RBFOX1: variants seen among roughly 807,000 people sequenced by gnomAD.
The protein encoded by RBFOX1 is RNA binding fox-1 homolog 1, also known as RNA binding protein fox-1 homolog 1.
A neutral mutation model predicts 57.7 loss-of-function variants in RBFOX1; 8 were observed. The observed-to-expected ratio is 0.14, with a 90% CI of 0.08 to 0.25. The LOEUF is 0.25. Among genes scored for constraint, RBFOX1 ranks in the 10% least tolerant of loss-of-function variants. The pLI, the probability that RBFOX1 is intolerant of heterozygous loss-of-function variation, is 1.00. For synonymous variants in RBFOX1, 326 were observed against 222.4 expected (o/e 1.47, Z -4.15); for missense variants, 611 against 548.5 (o/e 1.11, Z -1.14).
chr16:5,655,919 G>C (rs1447123548), intron 3 of RBFOX1, among the ~76,000 whole-genome samples: 1 of 152,040 alleles, frequency 6.6e-6, no homozygotes, highest in Non-Finnish European at 1.5e-5. Flanking sequence ...TAGATCTCCT[G>C]CATGTCTCTA....
At chr16:6,482,842 C>A (rs542825528) in intron 2 of RBFOX1, among the ~76,000 whole-genome samples, 2,668 of 152,272 alleles carry the variant, frequency 0.018, 80 homozygotes, top group African/African-American at 0.061. Context: ...GTCCCGTGGA[C>A]ATTCTGAATA....
At chr16:7,199,787 C>T (rs2087806940) in intron 4 of RBFOX1, among the ~76,000 whole-genome samples, 1 of 152,064 alleles carries the variant, frequency 6.6e-6, no homozygotes, top group Non-Finnish European at 1.5e-5. Flanking sequence ...CCAGTTTGCT[C>T]AGGAGGCTGA....
chr16:7,240,214 G>C (rs529785219), intron 4 of RBFOX1, among the ~76,000 whole-genome samples: 1 of 152,024 alleles, frequency 6.6e-6, no homozygotes, highest in Non-Finnish European at 1.5e-5. Flanking sequence ...TGATCCTCCC[G>C]CCTCGGCCTC....
intron 5 of RBFOX1, among the ~76,000 whole-genome samples, chr16:7,529,720 G>A (rs972076223): frequency 6.6e-6 from 1 of 152,072 alleles, no homozygotes; most frequent in African/African-American, 2.4e-5. Context: ...CTCAAGAGGT[G>A]AATTTAGGCT....
rs562380426 is a variant in RBFOX1, at chr16:7,036,428, C to T, written c.-15-15629C>T. ...ATCTCCCTCAAGAAAGAATTCAGGG[C>T]GGCCGGGCGTGGTGGCTCACGCTTG... is the stretch of plus-strand genomic sequence containing the variant. On this transcript the variant is annotated intron_variant, in intron 3 of 15. Transcript: ENST00000550418. 8.6e-5 allele frequency among the ~76,000 whole-genome samples: 13 copies of T among 151,994 alleles called. No homozygotes were observed. The East Asian group carries it at 1.2e-3, about 14-fold the overall frequency.
intron 2 of RBFOX1, among the ~76,000 whole-genome samples, chr16:6,318,942 G>A (rs1255355356): frequency 6.6e-6 from 1 of 151,700 alleles, no homozygotes; most frequent in Non-Finnish European, 1.5e-5. Context: ...CTCTGATACA[G>A]CAAACCTCAA....
chr16:7,567,448 C>G (rs149149121), intron 5 of RBFOX1, among the ~76,000 whole-genome samples: 11,853 of 56,584 alleles, frequency 0.21, 1,661 homozygotes, highest in African/African-American at 0.24. Context: ...TATATATATC[C>G]CTATGTATGG....
At chr16:7,217,976 GTGTGCA>G (rs1266035682) in intron 4 of RBFOX1, among the ~76,000 whole-genome samples, 24 of 151,786 alleles carry the variant, frequency 1.6e-4, no homozygotes, top group Admixed American at 3.9e-4. Context: ...GTGTCTGCGT[GTGTGCA>G]TGTGCATGTG....
At chr16:7,048,028 G>T (rs921483317) in intron 3 of RBFOX1, among the ~76,000 whole-genome samples, 1 of 151,650 alleles carries the variant, frequency 6.6e-6, no homozygotes, top group African/African-American at 2.4e-5. Context: ...AAAGGTGCCT[G>T]CCACAACGCC....
chr16:6,960,691 C>A (rs1288088096), intron 3 of RBFOX1, among the ~76,000 whole-genome samples: 2 of 152,038 alleles, frequency 1.3e-5, no homozygotes, highest in Non-Finnish European at 2.9e-5. Flanking sequence ...CATCTCCTGT[C>A]TCTGACGGGC....
chr16:5,358,438 A>G (rs574291079), intron 1 of RBFOX1, among the ~76,000 whole-genome samples: 1 of 152,212 alleles, frequency 6.6e-6, no homozygotes, highest in Non-Finnish European at 1.5e-5. Flanking sequence ...TGTTGTGGGT[A>G]CATAGAGGTG....
At chr16:7,020,320 G>A (rs571942692) in intron 3 of RBFOX1, among the ~76,000 whole-genome samples, 1 of 152,058 alleles carries the variant, frequency 6.6e-6, no homozygotes, top group African/African-American at 2.4e-5. Context: ...CTGTCCGCCA[G>A]GTTCAAGTGA....
chr16:5,669,963 A>C (rs1461441824), intron 3 of RBFOX1, among the ~76,000 whole-genome samples: 1 of 152,234 alleles, frequency 6.6e-6, no homozygotes, highest in East Asian at 1.9e-4. Flanking sequence ...CTAGATAAAC[A>C]CATTGTGGTC....
chr16:7,702,546 C>T (rs2081100601), intron 14 of RBFOX1, among the ~76,000 whole-genome samples: 1 of 152,144 alleles, frequency 6.6e-6, no homozygotes, highest in African/African-American at 2.4e-5. Context: ...ACAACGGATT[C>T]ATTTATTTCT....
chr16:6,613,064 A>G (rs2098089570), intron 2 of RBFOX1, among the ~76,000 whole-genome samples: 1 of 149,896 alleles, frequency 6.7e-6, no homozygotes, highest in Non-Finnish European at 1.5e-5. Context: ...TGTGTTTTGG[A>G]ATTCACAGGA....
intron 5 of RBFOX1, among the ~76,000 whole-genome samples, chr16:7,575,790 A>G (rs7191721): frequency 0.57 from 86,662 of 151,858 alleles, 25,083 homozygotes; most frequent in East Asian, 0.68. Flanking sequence ...CAGAAAAAAG[A>G]GAAAGAAAAG....
chr16:5,290,335 C>G lies in RBFOX1; in HGVS notation c.219+50230C>G, dbSNP rs568293672. The stretch of plus-strand genomic sequence containing the variant: ...CGAGGTTGTGCCACTGCACTCCAGC[C>G]TGTGACAGAGACTCTATCTCAAAAA... On this transcript the variant is annotated intron_variant, in intron 1 of 2. Transcript: ENST00000585867. 2.6e-5 allele frequency among the ~76,000 whole-genome samples: 4 copies of G among 152,254 alleles called. No homozygotes were observed. The South Asian group carries it at 8.3e-4, about 32-fold the overall frequency.
At chr16:5,485,895 G>T (rs558316722) in intron 2 of RBFOX1, among the ~76,000 whole-genome samples, 1 of 152,266 alleles carries the variant, frequency 6.6e-6, no homozygotes, top group Admixed American at 6.5e-5. Context: ...TTATCCTCTT[G>T]AACCTCATTT....
chr16:5,459,646 C>G (rs1395032790), intron 1 of RBFOX1, among the ~76,000 whole-genome samples: 1 of 151,974 alleles, frequency 6.6e-6, no homozygotes. Flanking sequence ...AAGAATCGTC[C>G]TTCACCAAAA....
Sources: gnomAD v4.1 joint callset for allele counts (sites outside exome capture counted in the v4.1 genomes callset) on GRCh38, gnomAD v4.1.1 for gene constraint, MANE v1.5 for transcripts, NCBI Gene and HGNC (gene_info 2026-07-23, HGNC 2026-07-21) for gene names.